The following CTNNA2 variants were observed in gnomAD, a reference collection of about 807,000 sequenced individuals.
The protein encoded by CTNNA2 is catenin alpha 2, also known as catenin alpha-2.
Under a neutral mutation model 101.0 loss-of-function variants are expected in CTNNA2, and 42 were observed. The observed-to-expected ratio is 0.42, with a 90% CI of 0.32 to 0.54. The LOEUF is 0.54. Among genes scored for constraint, CTNNA2 ranks in the 20% least tolerant of loss-of-function variants. The pLI, the probability that CTNNA2 is intolerant of heterozygous loss-of-function variation, is 0.14. For missense variants in CTNNA2, 871 were observed against 1,223.1 expected, an observed-to-expected ratio of 0.71 and a Z score of 4.29; for synonymous variants, 450 against 456.4, an observed-to-expected ratio of 0.99 and a Z score of 0.18.
At chr2:79,833,031 G>A (rs1404342926) in intron 3 of CTNNA2, among the ~76,000 whole-genome samples, 1 of 152,180 alleles carries the variant, frequency 6.6e-6, no homozygotes, top group East Asian at 1.9e-4. Flanking sequence ...TGTAAACATA[G>A]TGATATACGT....
chr2:80,546,804 G>GC (rs1266479476), intron 11 of CTNNA2, among the ~76,000 whole-genome samples: 2 of 152,168 alleles, frequency 1.3e-5, no homozygotes, highest in Non-Finnish European at 2.9e-5. Flanking sequence ...AACTTATTTG[G>GC]CCCAGTTCAC....
chr2:80,164,228 G>T (rs775880029), intron 7 of CTNNA2, among the ~76,000 whole-genome samples: 8 of 151,726 alleles, frequency 5.3e-5, no homozygotes, highest in Middle Eastern at 6.9e-3. Context: ...TTTTTACTTT[G>T]CTGTTTTCTT....
At chr2:79,281,381 G>A (rs528437670) in intron 2 of CTNNA2, 112 of 152,190 alleles carry the variant, frequency 7.4e-4, no homozygotes, top group African/African-American at 2.6e-3. Flanking sequence ...CCCTTTAACG[G>A]CTCCATTTGC....
intron 7 of CTNNA2, among the ~76,000 whole-genome samples, chr2:80,044,641 C>T (rs1490718513): frequency 6.6e-6 from 1 of 152,108 alleles, no homozygotes; most frequent in East Asian, 1.9e-4. Flanking sequence ...ACTCTGGACT[C>T]TCCTTCAGCT....
intron 2 of CTNNA2, among the ~76,000 whole-genome samples, chr2:79,683,871 G>C (rs1010459784): frequency 1.3e-5 from 2 of 152,214 alleles, no homozygotes; most frequent in African/African-American, 4.8e-5. Context: ...GAGTCTTTGT[G>C]TTCCCTGTCA....
intron 7 of CTNNA2, among the ~76,000 whole-genome samples, chr2:80,131,334 C>G (rs1702404733): frequency 6.6e-6 from 1 of 152,176 alleles, no homozygotes; most frequent in African/African-American, 2.4e-5. Context: ...GCTGGGATTA[C>G]AGGCATAAGC....
chr2:80,120,548 G>A (rs1701775009), intron 7 of CTNNA2, among the ~76,000 whole-genome samples: 1 of 152,150 alleles, frequency 6.6e-6, no homozygotes, highest in South Asian at 2.1e-4. Flanking sequence ...CCTTTAACTG[G>A]CTCTTTCTAA....
At chr2:80,609,202 T>C (rs1396326223) in intron 17 of CTNNA2, among the ~76,000 whole-genome samples, 1 of 151,792 alleles carries the variant, frequency 6.6e-6, no homozygotes, top group Non-Finnish European at 1.5e-5. Context: ...ATCAGCGTGG[T>C]GAATACCTTA....
chr2:79,303,781 G>A (rs972860389), intron 2 of CTNNA2, among the ~76,000 whole-genome samples: 1 of 151,936 alleles, frequency 6.6e-6, no homozygotes, highest in Non-Finnish European at 1.5e-5. Flanking sequence ...GAGGGCTGCA[G>A]CCTTCACAGG....
At chr2:80,374,388 T>C (rs1415595146) in intron 7 of CTNNA2, among the ~76,000 whole-genome samples, 1 of 152,192 alleles carries the variant, frequency 6.6e-6, no homozygotes, top group Non-Finnish European at 1.5e-5. Flanking sequence ...AGGAACATGA[T>C]TTTGTTCTTG....
At chr2:79,269,255 A>C (rs1675029920) in intron 2 of CTNNA2, among the ~76,000 whole-genome samples, 1 of 152,148 alleles carries the variant, frequency 6.6e-6, no homozygotes, top group African/African-American at 2.4e-5. Context: ...AAATATTGAC[A>C]GCCTAAGCCA....
intron 8 of CTNNA2, among the ~76,000 whole-genome samples, chr2:80,397,500 G>A (rs1678123349): frequency 6.6e-6 from 1 of 152,106 alleles, no homozygotes; most frequent in African/African-American, 2.4e-5. Flanking sequence ...CATGGGGGCA[G>A]GTCTTTCCCG....
chr2:79,972,669 G>T (rs1690566905), intron 7 of CTNNA2, among the ~76,000 whole-genome samples: 1 of 152,142 alleles, frequency 6.6e-6, no homozygotes, highest in Non-Finnish European at 1.5e-5. Flanking sequence ...TCCAAGAGCA[G>T]TAATAAAGAG....
intron 7 of CTNNA2, among the ~76,000 whole-genome samples, chr2:80,022,438 C>T (rs771315941): frequency 2.6e-5 from 4 of 152,058 alleles, no homozygotes; most frequent in South Asian, 2.1e-4. Flanking sequence ...GGTGGGAAAG[C>T]GTTTGATCTG....
At chr2:80,536,357 TTAAA>T (rs1259199231) in intron 9 of CTNNA2, among the ~76,000 whole-genome samples, 1 of 152,190 alleles carries the variant, frequency 6.6e-6, no homozygotes, top group Admixed American at 6.5e-5. Context: ...TTGAATTTAT[TTAAA>T]TAAATTCATT....
intron 3 of CTNNA2, among the ~76,000 whole-genome samples, chr2:79,372,557 A>G (rs985662327): frequency 2.0e-5 from 3 of 152,210 alleles, no homozygotes; most frequent in African/African-American, 7.2e-5. Context: ...AAAGAAAACT[A>G]AAAGATTCCT....
chr2:80,015,631 G>C (rs546420990), intron 7 of CTNNA2, among the ~76,000 whole-genome samples: 5 of 152,108 alleles, frequency 3.3e-5, no homozygotes, highest in Non-Finnish European at 7.4e-5. Context: ...CCCCTCCACC[G>C]GCTAGGTGAT....
chr2:80,422,774 AT>A (rs1235073920), intron 9 of CTNNA2, among the ~76,000 whole-genome samples: 1 of 151,990 alleles, frequency 6.6e-6, no homozygotes, highest in South Asian at 2.1e-4. Flanking sequence ...TGAATTGAAA[AT>A]TTTTTCTTCC....
At chr2:80,635,482 T>G (rs1193486528) in intron 18 of CTNNA2, among the ~76,000 whole-genome samples, 1 of 152,190 alleles carries the variant, frequency 6.6e-6, no homozygotes, top group African/African-American at 2.4e-5. Flanking sequence ...AGTTGAAATT[T>G]TAGGTTAATG....
Sources: allele counts gnomAD v4.1 joint callset (sites outside exome capture counted in the v4.1 genomes callset), GRCh38; gene constraint gnomAD v4.1.1; transcripts MANE v1.5; gene names NCBI Gene and HGNC (gene_info 2026-07-23, HGNC 2026-07-21).